Variants in SEMA6A observed in about 807,000 individuals in gnomAD.
SEMA6A encodes semaphorin 6A.
In SEMA6A, 25 loss-of-function variants were observed where a neutral mutation model predicts 96.8. The ratio of observed to expected loss-of-function variants is 0.26; its 90% CI spans 0.19 to 0.36. The LOEUF is 0.36. Among genes scored for constraint, SEMA6A ranks in the 10% least tolerant of loss-of-function variants. SEMA6A has a pLI of 1.00. For missense variants in SEMA6A, 1,363 were observed against 1,323.1 expected (o/e 1.03, Z -0.47); for synonymous variants, 612 against 518.0 (o/e 1.18, Z -2.46).
At position 116,504,895 on chromosome 5, in the gene SEMA6A, C is replaced by G. The variant is rs980339737; in HGVS notation, c.50G>C (p.Gly17Ala). 6 of 1,604,582 alleles carry G rather than the reference C, an allele frequency of 3.7e-6. No individual in the cohort carries two copies. In the African/African-American group the frequency reaches 5.3e-5, roughly 14 times the overall value. Residue 17 changes from glycine (G) to alanine (A), a missense_variant, in exon 2 of 19, where the codon GGG becomes GCG. Transcript: ENST00000343348. ...LLYFTLLHFAGAGFPEDSEPI... is the reference protein window; with the variant it reads ...LLYFTLLHFAAAGFPEDSEPI... The stretch of plus-strand genomic sequence containing the variant: ...CTCAGAATCTTCTGGGAAACCAGCC[C>G]CAGCAAAGTGTAGCAGTGTGAAATA...
chr5:116,456,149 G>T lies in SEMA6A; in HGVS notation c.1895-8338C>A, dbSNP rs150804684. Among the ~76,000 whole-genome samples the T allele has an allele frequency of 2.9e-3, 445 of 152,238 alleles. 2 individuals carry two copies. Among genetic ancestry groups the T allele is most frequent in the Non-Finnish European group, 1.3e-3 (87 of 68,008 alleles). ...CAACTACAACAAAACCTTGACTAGT[G>T]AACTTAAATAAGACAGCCCATCAGC... On this transcript the variant is annotated intron_variant, in intron 18 of 18. Transcript: ENST00000343348.
At chr5:116,454,496 A>G (rs934362124) in intron 18 of SEMA6A, among the ~76,000 whole-genome samples, 1 of 152,314 alleles carries the variant, frequency 6.6e-6, no homozygotes, top group South Asian at 2.1e-4. Context: ...TCACTAGCCA[A>G]GCATCGCCCC....
At position 116,445,499 on chromosome 5, in the gene SEMA6A, A is replaced by T. The variant is rs1393258113; in HGVS notation, c.*1114T>A. 1 of 152,674 alleles carries T rather than the reference A, an allele frequency of 6.5e-6. No homozygotes were observed. The highest frequency in any genetic ancestry group is 2.4e-5 in the African/African-American group (1 of 41,466). 9.5% of individuals were successfully genotyped at this position (152,674 alleles called of 1,614,324 possible). A position where few individuals can be genotyped will look rare whatever the true frequency, so the allele number is the denominator to read the frequency against. ...AGCTGGTGCCTTCACAGAAAGTCAG[A>T]ACCATGGACAAAACCATGTTGGCAT... On this transcript the variant is annotated 3_prime_UTR_variant, in exon 19 of 19. Transcript: ENST00000343348.
chr5:116,474,100 T>C lies in SEMA6A; in HGVS notation c.1709-1007A>G, dbSNP rs953074683. On this transcript the variant is annotated intron_variant, in intron 16 of 18. Coordinates refer to ENST00000343348, the MANE Select transcript of SEMA6A (RefSeq NM_020796.5). ...AGATAAGGGTGTGAGCCTACTGGTA[T>C]AGTGGACATTTTATAGACACAGTAC... Among the ~76,000 whole-genome samples, 4 of 152,172 alleles carry C rather than the reference T, an allele frequency of 2.6e-5. No homozygotes were observed. In the South Asian group the frequency reaches 8.3e-4, roughly 32 times the overall value.
At chr5:116,492,616 G>C (rs189239303) in intron 6 of SEMA6A, 91 of 152,320 alleles carry the variant, frequency 6.0e-4, no homozygotes, top group Middle Eastern at 3.4e-3. Context: ...ATAGTGGGTA[G>C]CCTTCAAAGC....
rs145445980 is a variant in SEMA6A, at chr5:116,444,622, A to AAC, written c.*1989_*1990dup. ...AGCAAATGAAAACCAAGAGGAGAAA[A>AAC]ACACACACCACCTCCCATCCCCTAA... On this transcript the variant is annotated 3_prime_UTR_variant, in exon 19 of 19. Coordinates refer to ENST00000343348, the MANE Select transcript of SEMA6A (RefSeq NM_020796.5). The AAC allele has an allele frequency of 7.5e-4, 115 of 152,752 alleles. No homozygotes were observed. The highest frequency in any genetic ancestry group is 2.7e-3 in the African/African-American group (113 of 41,568). 9.5% of individuals were successfully genotyped at this position (152,752 alleles called of 1,614,324 possible). A position where few individuals can be genotyped will look rare whatever the true frequency, so the allele number is the denominator to read the frequency against.
At chr5:116,549,467 A>G (rs1335600078) in intron 1 of SEMA6A, among the ~76,000 whole-genome samples, 3 of 152,168 alleles carry the variant, frequency 2.0e-5, no homozygotes, top group Admixed American at 2.0e-4. Context: ...AGGTAGCTCA[A>G]GCTAAAACCC....
At chr5:116,567,119 A>G (rs979875511) in intron 1 of SEMA6A, among the ~76,000 whole-genome samples, 5 of 152,128 alleles carry the variant, frequency 3.3e-5, no homozygotes, top group Admixed American at 3.3e-4. Flanking sequence ...TTGGGCTCCT[A>G]TTTGATATAA....
chr5:116,481,738 C>T (rs552135763), intron 11 of SEMA6A, among the ~76,000 whole-genome samples: 2 of 152,086 alleles, frequency 1.3e-5, no homozygotes, highest in Non-Finnish European at 2.9e-5. Context: ...AAGGGCTTAG[C>T]GGGGACTTCC....
intron 1 of SEMA6A, among the ~76,000 whole-genome samples, chr5:116,566,651 C>A (rs968955731): frequency 6.6e-6 from 1 of 152,176 alleles, no homozygotes; most frequent in African/African-American, 2.4e-5. Context: ...CAATTTATTT[C>A]CCCTTCTGCT....
intron 1 of SEMA6A, among the ~76,000 whole-genome samples, chr5:116,547,049 T>A (rs1383082833): frequency 6.6e-6 from 1 of 152,248 alleles, no homozygotes; most frequent in Non-Finnish European, 1.5e-5. Flanking sequence ...TTAGGCTTAT[T>A]GTCTGATTTC....
chr5:116,524,779 C>CACACACACACAG (rs1554090337), intron 1 of SEMA6A, among the ~76,000 whole-genome samples: 1 of 150,136 alleles, frequency 6.7e-6, no homozygotes. Flanking sequence ...TATACACACA[C>CACACACACACAG]ACACACACAG....
intron 17 of SEMA6A, 139 bp from the exon 18 acceptor site, chr5:116,467,886 GT>G: frequency 2.2e-6 from 1 of 453,824 alleles, no homozygotes; most frequent in Non-Finnish European, 3.6e-6. Context: ...CGGCTTAGTG[GT>G]GGTGGTGGTG....
At chr5:116,475,795 G>A (rs1463021843) in intron 15 of SEMA6A, among the ~76,000 whole-genome samples, 192 bp from the exon 16 acceptor site, 10 of 152,186 alleles carry the variant, frequency 6.6e-5, no homozygotes, top group Non-Finnish European at 7.3e-5. Context: ...ACTCTCCAAA[G>A]AGAAGCCATG....
chr5:116,511,794 AG>A (rs773094909), intron 1 of SEMA6A, among the ~76,000 whole-genome samples: 6 of 152,242 alleles, frequency 3.9e-5, no homozygotes, highest in Non-Finnish European at 8.8e-5. Context: ...CACTGTGTTA[AG>A]TGGAGCCACT....
At chr5:116,503,629 A>G (rs958489800) in intron 2 of SEMA6A, among the ~76,000 whole-genome samples, 2 of 151,668 alleles carry the variant, frequency 1.3e-5, no homozygotes, top group African/African-American at 2.4e-5. Flanking sequence ...CCGCTGCCTC[A>G]GCCTCCTGTA....
chr5:116,481,078 C>T (rs191691930), intron 11 of SEMA6A, among the ~76,000 whole-genome samples: 1 of 152,188 alleles, frequency 6.6e-6, no homozygotes, highest in African/African-American at 2.4e-5. Context: ...TATGTCCACA[C>T]TGTCTCAAGG....
intron 1 of SEMA6A, among the ~76,000 whole-genome samples, chr5:116,520,479 A>T (rs1758879967): frequency 6.6e-6 from 1 of 152,300 alleles, no homozygotes; most frequent in Non-Finnish European, 1.5e-5. Context: ...AAGCTCTAAA[A>T]AAAGAGTATC....
In SEMA6A at chr5:116,557,918, CAAT is replaced by C. The variant is rs147892041; in HGVS notation, c.-39+16264_-39+16266del. 2.3e-3 allele frequency among the ~76,000 whole-genome samples: 352 copies of C among 152,238 alleles called. 1 individual carries two copies. Among genetic ancestry groups the C allele is most frequent in the African/African-American group, 8.2e-3 (340 of 41,534 alleles). On this transcript the variant is annotated intron_variant, in intron 1 of 18. Transcript: ENST00000343348. ...AGAAACAAGCGATAGCACAACTATG[CAAT>C]AATGTGGCACGTAATAGATAAATAA...
Sources: allele counts gnomAD v4.1 joint callset (sites outside exome capture counted in the v4.1 genomes callset), GRCh38; gene constraint gnomAD v4.1.1; transcripts MANE v1.5; gene names NCBI Gene and HGNC (gene_info 2026-07-23, HGNC 2026-07-21).